ABL2: variants seen among roughly 807,000 people sequenced by gnomAD.
ABL2 encodes the protein ABL proto-oncogene 2, non-receptor tyrosine kinase, also known as tyrosine-protein kinase ABL2.
In ABL2, 49 loss-of-function variants were observed where a neutral mutation model predicts 107.7. The observed-to-expected ratio is 0.45, with a 90% CI of 0.36 to 0.58. The LOEUF (loss-of-function observed/expected upper bound fraction) is 0.58, where lower values mean the gene tolerates loss of function less well. Ranked by LOEUF, ABL2 falls within the 20% of genes least tolerant of loss-of-function variation. The pLI, the probability that ABL2 is intolerant of heterozygous loss-of-function variation, is 0.00. For synonymous variants in ABL2, 549 were observed against 548.6 expected (o/e 1.00, Z -0.01); for missense variants, 1,245 against 1,457.0 (o/e 0.85, Z 2.37).
rs1337504994 is a variant in ABL2 at position 179,100,927 on chromosome 1, AGATGTACATGGG to A, written c.*6779_*6790del. ...GAGAGGTAAACAATTTCAAAGTTAG[AGATGTACATGGG>A]GATGAAGAAGTAAGTGCACTTGGAG... is the stretch of plus-strand genomic sequence containing the variant. On this transcript the variant is annotated 3_prime_UTR_variant, in exon 12 of 12. Transcript: ENST00000502732. 8.6e-6 allele frequency: 2 copies of A among 232,692 alleles called. No homozygotes were observed. Among genetic ancestry groups the A allele is most frequent in the African/African-American group, 4.4e-5 (2 of 45,324 alleles). 14.4% of individuals were successfully genotyped at this position (232,692 alleles called of 1,614,324 possible).
chr1:179,206,555 C>A (rs1470742101), intron 1 of ABL2, among the ~76,000 whole-genome samples: 2 of 145,000 alleles, frequency 1.4e-5, no homozygotes, highest in Non-Finnish European at 3.0e-5. Context: ...GAATGTCCAA[C>A]ATAAGCTATA....
chr1:179,101,976 C>T lies in ABL2; in HGVS notation c.*5742G>A, dbSNP rs1422260586. On this transcript the variant is annotated 3_prime_UTR_variant, in exon 12 of 12. Transcript: ENST00000502732. ...CTTGCTGGAAAAAAGAAAAAAAAAG[C>T]AAGCTTTGCATTAGAATTTCTTTTT... 1 of 130,890 alleles carries T rather than the reference C, an allele frequency of 7.6e-6. No individual in the cohort carries two copies. The highest frequency in any genetic ancestry group is 3.0e-5 in the African/African-American group (1 of 33,212). The allele number at this position is 130,890 out of a possible 1,614,324, so 8.1% of individuals were successfully genotyped here.
At chr1:179,213,596 T>A (rs1662404350) in intron 1 of ABL2, among the ~76,000 whole-genome samples, 1 of 152,124 alleles carries the variant, frequency 6.6e-6, no homozygotes, top group Admixed American at 6.6e-5. Flanking sequence ...CCACCACTCC[T>A]GGCCAATACT....
intron 1 of ABL2, among the ~76,000 whole-genome samples, chr1:179,200,549 G>C (rs964479869): frequency 6.6e-6 from 1 of 151,958 alleles, no homozygotes; most frequent in Non-Finnish European, 1.5e-5. Flanking sequence ...TTTTAGTTTC[G>C]CATATTCTAT....
At chr1:179,117,936 T>C (rs1045399619) in intron 7 of ABL2, among the ~76,000 whole-genome samples, 29 of 148,918 alleles carry the variant, frequency 1.9e-4, no homozygotes, top group Middle Eastern at 7.1e-3. Context: ...CGGGGCAACA[T>C]GGCGAAACCC....
intron 1 of ABL2, among the ~76,000 whole-genome samples, chr1:179,189,746 A>G (rs1660890863): frequency 6.6e-6 from 1 of 151,862 alleles, no homozygotes; most frequent in Non-Finnish European, 1.5e-5. Context: ...AGCAGTGCAC[A>G]AGCTGGTGTC....
At chr1:179,187,901 T>G (rs895034422) in intron 1 of ABL2, among the ~76,000 whole-genome samples, 1 of 152,138 alleles carries the variant, frequency 6.6e-6, no homozygotes, top group Non-Finnish European at 1.5e-5. Context: ...CTCCAAAAGA[T>G]TCCCATCCCA....
chr1:179,183,845 C>G (rs750804908), intron 1 of ABL2: 1 of 187,974 alleles, frequency 5.3e-6, no homozygotes, highest in South Asian at 1.1e-4. Context: ...AGCAGCATGG[C>G]CCCTAAATGC....
chr1:179,205,746 C>T (rs577203251), intron 1 of ABL2, among the ~76,000 whole-genome samples: 197 of 152,228 alleles, frequency 1.3e-3, no homozygotes, highest in Non-Finnish European at 2.1e-3. Context: ...GTTGTGGATA[C>T]TAACTTATTA....
At chr1:179,161,405 C>T (rs554982461) in intron 1 of ABL2, among the ~76,000 whole-genome samples, 1 of 151,310 alleles carries the variant, frequency 6.6e-6, no homozygotes, top group East Asian at 1.9e-4. Flanking sequence ...TGATACCATG[C>T]ATGAATATGT....
chr1:179,159,959 C>A (rs985337595), intron 1 of ABL2, among the ~76,000 whole-genome samples: 30 of 151,884 alleles, frequency 2.0e-4, no homozygotes, highest in Non-Finnish European at 1.2e-4. Context: ...ATTAAAAATG[C>A]AAAAATTAGC....
chr1:179,154,347 C>A (rs1037147177), intron 1 of ABL2, among the ~76,000 whole-genome samples: 1 of 152,218 alleles, frequency 6.6e-6, no homozygotes, highest in Admixed American at 6.5e-5. Context: ...TCTCCTCTCT[C>A]CTCACCCAGC....
chr1:179,143,360 T>A (rs567165234), intron 1 of ABL2, among the ~76,000 whole-genome samples: 1 of 152,298 alleles, frequency 6.6e-6, no homozygotes, highest in South Asian at 2.1e-4. Context: ...TAAAACAATG[T>A]AGAAGTTAAT....
intron 3 of ABL2, among the ~76,000 whole-genome samples, chr1:179,127,800 G>C (rs1382648971): frequency 6.6e-6 from 1 of 152,110 alleles, no homozygotes; most frequent in Non-Finnish European, 1.5e-5. Context: ...GGGAGGCTGA[G>C]AGGGGCGGAT....
chr1:179,149,689 T>C (rs1658244552), intron 1 of ABL2, among the ~76,000 whole-genome samples: 1 of 152,190 alleles, frequency 6.6e-6, no homozygotes, highest in Non-Finnish European at 1.5e-5. Flanking sequence ...CCACTTATGC[T>C]CTATAAATGG....
In ABL2 at chr1:179,107,664, C is replaced by A; in HGVS notation, c.*54G>T. On this transcript the variant is annotated 3_prime_UTR_variant, in exon 12 of 12. Coordinates refer to ENST00000502732, the MANE Select transcript of ABL2 (RefSeq NM_007314.4). ...AAAACAAGAACACAGGAAAACAAGT[C>A]CTTTTCCCTCTCCCCTCAGAAATGT... The A allele has an allele frequency of 6.5e-7, 1 of 1,532,794 alleles. No homozygotes were observed. The highest frequency in any genetic ancestry group is 8.8e-7 in the Non-Finnish European group (1 of 1,141,332). 94.9% of individuals were successfully genotyped at this position (1,532,794 alleles called of 1,614,324 possible).
rs1337954297 is a variant in ABL2, at chr1:179,099,373, A to C, written c.*8345T>G. On this transcript the variant is annotated 3_prime_UTR_variant, in exon 12 of 12. Coordinates refer to ENST00000502732, the MANE Select transcript of ABL2 (RefSeq NM_007314.4). ...CAACCTTTATTTAAAACAGAACACA[A>C]CTTGGCAAACCTTGTGAGAAGACAG... 1 of 204,012 alleles carries C rather than the reference A, an allele frequency of 4.9e-6. No homozygotes were observed. Among genetic ancestry groups the C allele is most frequent in the East Asian group, 7.5e-5 (1 of 13,302 alleles). The allele number at this position is 204,012 out of a possible 1,614,324, so 12.6% of individuals were successfully genotyped here. A position where few individuals can be genotyped will look rare whatever the true frequency, so the allele number is the denominator to read the frequency against.
chr1:179,105,128 C>T lies in ABL2; in HGVS notation c.*2590G>A, dbSNP rs1653385367. On this transcript the variant is annotated 3_prime_UTR_variant, in exon 12 of 12. Transcript: ENST00000502732. ...TGACAGTGTTGACAAAAATCAATTC[C>T]ATTTATATATCGTGCACCCACTGTA... The T allele has an allele frequency of 4.3e-6, 1 of 230,010 alleles. No individual in the cohort carries two copies. The highest frequency in any genetic ancestry group is 8.6e-6 in the Non-Finnish European group (1 of 116,166). 14.2% of individuals were successfully genotyped at this position (230,010 alleles called of 1,614,324 possible). A position where few individuals can be genotyped will look rare whatever the true frequency, so the allele number is the denominator to read the frequency against.
chr1:179,122,444 A>G (rs1655312040), intron 4 of ABL2, among the ~76,000 whole-genome samples: 1 of 152,022 alleles, frequency 6.6e-6, no homozygotes, highest in African/African-American at 2.4e-5. Context: ...TGAGGTAAAT[A>G]AAAAAGTTAA....
Sources: allele counts gnomAD v4.1 joint callset (sites outside exome capture counted in the v4.1 genomes callset), GRCh38; gene constraint gnomAD v4.1.1; transcripts MANE v1.5; gene names NCBI Gene and HGNC (gene_info 2026-07-23, HGNC 2026-07-21).